Variants in EXOC6B observed in about 807,000 individuals in gnomAD.
The protein encoded by EXOC6B is SEC15 homolog B.
EXOC6B carries 54 observed loss-of-function variants against 113.5 expected under a neutral mutation model. The ratio of observed to expected loss-of-function variants is 0.48; its 90% CI spans 0.38 to 0.60. The LOEUF is 0.60. Ranked by LOEUF, EXOC6B falls within the 20% of genes least tolerant of loss-of-function variation. EXOC6B has a pLI of 0.00. For missense variants in EXOC6B, 797 were observed against 977.5 expected, an observed-to-expected ratio of 0.82 and a Z score of 2.46; for synonymous variants, 357 against 339.0, an observed-to-expected ratio of 1.05 and a Z score of -0.58.
intron 6 of EXOC6B, among the ~76,000 whole-genome samples, chr2:72,599,676 C>T (rs778146499): frequency 3.3e-5 from 5 of 151,968 alleles, no homozygotes; most frequent in Non-Finnish European, 5.9e-5. Flanking sequence ...AAAAAGCCCT[C>T]CTAAAACTAA....
At chr2:72,432,824 G>A (rs1401921467) in intron 18 of EXOC6B, among the ~76,000 whole-genome samples, 3 of 152,026 alleles carry the variant, frequency 2.0e-5, no homozygotes, top group Admixed American at 6.6e-5. Flanking sequence ...TTGTCAGACG[G>A]ATAAATTGCA....
intron 18 of EXOC6B, among the ~76,000 whole-genome samples, chr2:72,419,590 A>G (rs1157642294): frequency 1.3e-5 from 2 of 152,068 alleles, no homozygotes; most frequent in African/African-American, 4.8e-5. Flanking sequence ...CTTGGTTCAC[A>G]GTTTGTTTTT....
chr2:72,676,699 T>C (rs1676338343), intron 6 of EXOC6B, among the ~76,000 whole-genome samples: 1 of 152,148 alleles, frequency 6.6e-6, no homozygotes, highest in Admixed American at 6.5e-5. Flanking sequence ...TTCAATAAGA[T>C]TAACGAGTCT....
At chr2:72,352,502 CT>C (rs927667196) in intron 19 of EXOC6B, among the ~76,000 whole-genome samples, 6 of 151,840 alleles carry the variant, frequency 4.0e-5, no homozygotes, top group Admixed American at 3.9e-4. Flanking sequence ...TCTCTCTCTC[CT>C]TTTCTTTCTT....
rs1681315691 is a variant in EXOC6B at position 72,741,424 on chromosome 2, A to T, written c.159T>A (p.Leu53=). The T allele has an allele frequency of 1.9e-6, 3 of 1,613,570 alleles. No homozygotes were observed. Among genetic ancestry groups the T allele is most frequent in the African/African-American group, 1.3e-5 (1 of 74,848 alleles). The part of the protein sequence containing the change: ...GEEHGRFMEK[L]ETRIRNHDRE... ...GGTCGTGATTACGGATACGAGTTTCAAGCTTCTCCATGAAACGTCCATGTT... is the reference window on the plus strand; with the variant it reads ...GGTCGTGATTACGGATACGAGTTTCTAGCTTCTCCATGAAACGTCCATGTT... The change falls in exon 2 of 22, where the codon CTT becomes CTA. Residue 53 remains leucine (L), a synonymous_variant. Coordinates refer to ENST00000272427, the MANE Select transcript of EXOC6B (RefSeq NM_015189.3).
chr2:72,445,591 C>T (rs1464112473), intron 18 of EXOC6B, among the ~76,000 whole-genome samples: 1 of 152,134 alleles, frequency 6.6e-6, no homozygotes, highest in Non-Finnish European at 1.5e-5. Context: ...AAAGGAAGAA[C>T]AAGTCATATG....
intron 6 of EXOC6B, among the ~76,000 whole-genome samples, chr2:72,636,823 G>A (rs1408391915): frequency 1.3e-5 from 2 of 151,240 alleles, no homozygotes; most frequent in Non-Finnish European, 2.9e-5. Flanking sequence ...CCACTGCAAT[G>A]AGGCCAAAAA....
At chr2:72,757,933 G>A (rs1418877712) in intron 1 of EXOC6B, among the ~76,000 whole-genome samples, 1 of 152,068 alleles carries the variant, frequency 6.6e-6, no homozygotes, top group Admixed American at 6.5e-5. Flanking sequence ...GGCCGAGGCA[G>A]GAAGATTGCT....
intron 8 of EXOC6B, among the ~76,000 whole-genome samples, chr2:72,559,200 A>G (rs1376835392): frequency 6.6e-6 from 1 of 152,244 alleles, no homozygotes; most frequent in African/African-American, 2.4e-5. Flanking sequence ...AACTAAAAAC[A>G]GAAATCTGGA....
intron 9 of EXOC6B, 54 bp from the exon 10 acceptor site, chr2:72,514,734 C>A: frequency 8.6e-7 from 1 of 1,159,144 alleles, no homozygotes; most frequent in Non-Finnish European, 1.2e-6. Context: ...TACATTAAGA[C>A]TAAGTTAAAA....
Position 72,246,153 on chromosome 2 carries a change from T to G in EXOC6B, c.2197-61966A>C, listed in dbSNP as rs1331278662. 2.0e-5 allele frequency among the ~76,000 whole-genome samples: 3 copies of G among 152,112 alleles called. No individual in the cohort carries two copies. The East Asian group carries it at 5.8e-4, about 29-fold the overall frequency. On this transcript the variant is annotated intron_variant, in intron 20 of 21. Transcript: ENST00000272427. The stretch of plus-strand genomic sequence containing the variant: ...ATCCTCCCACCCCAGTCTCCCAAAG[T>G]GTTGAGATTACAGGCATGAACCACC...
intron 1 of EXOC6B, among the ~76,000 whole-genome samples, chr2:72,809,845 C>G (rs1048366965): frequency 2.0e-5 from 3 of 152,180 alleles, no homozygotes; most frequent in African/African-American, 7.2e-5. Flanking sequence ...TCAATTGCCT[C>G]TGTCTAGACA....
intron 6 of EXOC6B, among the ~76,000 whole-genome samples, chr2:72,583,539 T>G (rs1183628965): frequency 6.6e-6 from 1 of 151,974 alleles, no homozygotes; most frequent in African/African-American, 2.4e-5. Context: ...CAGGAGAGAT[T>G]AGGAAAATAT....
intron 20 of EXOC6B, among the ~76,000 whole-genome samples, chr2:72,235,476 C>A (rs908541098): frequency 1.3e-5 from 2 of 152,112 alleles, no homozygotes; most frequent in Middle Eastern, 3.2e-3. Context: ...ATCTGGATGA[C>A]AAGATAATCT....
intron 11 of EXOC6B, 62 bp downstream of exon 11, chr2:72,513,070 A>G (rs1701030306): frequency 1.9e-6 from 3 of 1,582,806 alleles, no homozygotes; most frequent in Non-Finnish European, 2.6e-6. Context: ...TTAAAGCAGT[A>G]AAACACTGAA....
At chr2:72,418,987 T>C (rs1417664249) in intron 18 of EXOC6B, among the ~76,000 whole-genome samples, 1 of 152,142 alleles carries the variant, frequency 6.6e-6, no homozygotes. Flanking sequence ...TATCGAGCTA[T>C]TTTCTTTGTG....
chr2:72,625,920 T>C (rs1341837585), intron 6 of EXOC6B, among the ~76,000 whole-genome samples: 1 of 152,184 alleles, frequency 6.6e-6, no homozygotes, highest in Non-Finnish European at 1.5e-5. Context: ...TTTTACATGG[T>C]TTCAAAGAGA....
chr2:72,381,158 A>G (rs933386519), intron 18 of EXOC6B, among the ~76,000 whole-genome samples: 4 of 152,180 alleles, frequency 2.6e-5, no homozygotes, highest in African/African-American at 9.7e-5. Flanking sequence ...ACCAGAAACA[A>G]TATGCTGTAT....
At chr2:72,210,511 A>G (rs891748415) in intron 20 of EXOC6B, among the ~76,000 whole-genome samples, 7 of 152,216 alleles carry the variant, frequency 4.6e-5, no homozygotes, top group African/African-American at 1.4e-4. Flanking sequence ...CAGATACTCA[A>G]TAAATGTAAT....
Sources: allele counts gnomAD v4.1 joint callset (sites outside exome capture counted in the v4.1 genomes callset), GRCh38; gene constraint gnomAD v4.1.1; transcripts MANE v1.5; gene names NCBI Gene and HGNC (gene_info 2026-07-23, HGNC 2026-07-21).